PCYT1A: variants seen among roughly 807,000 people sequenced by gnomAD.
The protein encoded by PCYT1A is choline-phosphate cytidylyltransferase A.
Under a neutral mutation model 43.7 loss-of-function variants are expected in PCYT1A, and 25 were observed. The ratio of observed to expected loss-of-function variants is 0.57; its 90% CI spans 0.42 to 0.80. The LOEUF is 0.80. PCYT1A is among the 30% of genes least tolerant of loss of function. The probability of loss-of-function intolerance (pLI) is 0.00; values close to 1 mark genes in which losing one functional copy is unlikely to be tolerated. For missense variants in PCYT1A, 421 were observed against 474.2 expected (o/e 0.89, Z 1.04); for synonymous variants, 172 against 170.7 (o/e 1.01, Z -0.06).
chr3:196,267,888 A>C (rs1725323649), intron 2 of PCYT1A, among the ~76,000 whole-genome samples: 1 of 152,204 alleles, frequency 6.6e-6, no homozygotes, highest in Non-Finnish European at 1.5e-5. Flanking sequence ...AGTTCAAAGG[A>C]GATTCAGAGC....
Position 196,277,701 on chromosome 3 carries a change from T to C in PCYT1A, c.-10-7160A>G, listed in dbSNP as rs1020163334. On this transcript the variant is annotated intron_variant, in intron 1 of 8. Transcript: ENST00000431016. The surrounding 1 kb of genome is among the most constrained non-coding windows in gnomAD (Gnocchi z 4.1). ...GCCTGGCCAACATGGTGAAACCCCA[T>C]CTCTACTAAAAATACAAAAATTAGC... is the stretch of plus-strand genomic sequence containing the variant. 1.4e-4 allele frequency among the ~76,000 whole-genome samples: 21 copies of C among 152,058 alleles called. No individual in the cohort carries two copies. The highest frequency in any genetic ancestry group is 2.1e-4 in the South Asian group (1 of 4,820).
chr3:196,248,172 T>C (rs1257852621), intron 4 of PCYT1A, 35 bp downstream of exon 4: 3 of 1,144,768 alleles, frequency 2.6e-6, no homozygotes, highest in South Asian at 2.4e-5. Flanking sequence ...CATCTTTTTC[T>C]GCACAGCACC....
chr3:196,283,654 T>A (rs967316585), intron 1 of PCYT1A: 1 of 151,754 alleles, frequency 6.6e-6, no homozygotes, highest in African/African-American at 2.4e-5. Flanking sequence ...AAATCACAGA[T>A]GAAACATGTG....
intron 7 of PCYT1A, among the ~76,000 whole-genome samples, chr3:196,241,158 A>AAAAAAAAAAAAAAAAAAAC: frequency 8.4e-6 from 1 of 119,132 alleles, no homozygotes; most frequent in Non-Finnish European, 1.8e-5. Flanking sequence ...AAAAAAAAAA[A>AAAAAAAAAAAAAAAAAAAC]AAAAATTAGC....
intron 3 of PCYT1A, 34 bp from the exon 4 acceptor site, chr3:196,248,357 AC>A (rs1210775568): frequency 1.6e-6 from 2 of 1,273,718 alleles, no homozygotes; most frequent in South Asian, 1.2e-5. Context: ...TCACAAAAAT[AC>A]CTTTTTTTTT....
At chr3:196,261,953 C>T (rs907624934) in intron 2 of PCYT1A, among the ~76,000 whole-genome samples, 5 of 152,060 alleles carry the variant, frequency 3.3e-5, no homozygotes, top group African/African-American at 1.2e-4. Flanking sequence ...GGAGTGAAAC[C>T]TAACGTTGTG....
At chr3:196,286,887 CTGG>C (rs1263717523) in intron 1 of PCYT1A, among the ~76,000 whole-genome samples, 2 of 152,196 alleles carry the variant, frequency 1.3e-5, no homozygotes, top group Non-Finnish European at 2.9e-5. Flanking sequence ...GCGCTCCAGC[CTGG>C]GCAACAAGAG....
chr3:196,244,703 T>G (rs1013585269), intron 5 of PCYT1A, among the ~76,000 whole-genome samples: 88 of 152,356 alleles, frequency 5.8e-4, no homozygotes, highest in Non-Finnish European at 8.5e-4. Context: ...TGTGTCTGTG[T>G]AGAAAGAAGT....
chr3:196,277,016 G>A lies in PCYT1A; in HGVS notation c.-10-6475C>T, dbSNP rs1345337900. Among the ~76,000 whole-genome samples the A allele has an allele frequency of 6.6e-6, 1 of 151,628 alleles. No individual in the cohort carries two copies. Among genetic ancestry groups the A allele is most frequent in the Non-Finnish European group, 1.5e-5 (1 of 67,968 alleles). ...AGGCCAAGGCAGGCGAATCACCTGA[G>A]GTCTGGAGTTCAAGACCAGCCTGGC... On this transcript the variant is annotated intron_variant, in intron 1 of 8. Coordinates refer to ENST00000431016, the MANE Select transcript of PCYT1A (RefSeq NM_001312673.2). The surrounding 1 kb of genome is among the most constrained non-coding windows in gnomAD (Gnocchi z 4.1).
chr3:196,238,629 CAG>C lies in PCYT1A; in HGVS notation c.*57_*58del. On this transcript the variant is annotated 3_prime_UTR_variant, in exon 9 of 9. Transcript: ENST00000431016. The stretch of plus-strand genomic sequence containing the variant: ...GTTGGGGTCACAATTTGGAATTCAA[CAG>C]AGAGCTTCTGAAGGTAATGGGACAG... 1 of 1,176,864 alleles carries C rather than the reference CAG, an allele frequency of 8.5e-7. No individual in the cohort carries two copies. Among genetic ancestry groups the C allele is most frequent in the East Asian group, 2.8e-5 (1 of 35,596 alleles). The allele number at this position is 1,176,864 out of a possible 1,614,324, so 72.9% of individuals were successfully genotyped here.
At chr3:196,243,949 C>T (rs1359307463) in intron 5 of PCYT1A, among the ~76,000 whole-genome samples, 2 of 152,250 alleles carry the variant, frequency 1.3e-5, no homozygotes, top group Non-Finnish European at 2.9e-5. Flanking sequence ...CTCTGCCCGG[C>T]CGCCACCCCG....
intron 2 of PCYT1A, among the ~76,000 whole-genome samples, chr3:196,258,766 C>G (rs939419288): frequency 6.6e-6 from 1 of 151,168 alleles, no homozygotes; most frequent in Non-Finnish European, 1.5e-5. Flanking sequence ...ATTTTTTATT[C>G]TTGTAGAGAC....
In PCYT1A at chr3:196,237,215, C is replaced by T. The variant is rs1239955993; in HGVS notation, c.*1473G>A. 6.6e-6 allele frequency: 1 copy of T among 152,230 alleles called. No individual in the cohort carries two copies. The highest frequency in any genetic ancestry group is 6.5e-5 in the Admixed American group (1 of 15,286). The allele number at this position is 152,230 out of a possible 1,614,324, so 9.4% of individuals were successfully genotyped here. ...GGGGCCTGGACATAAGCAATTTTCC[C>T]CTGGATCTAGCCACAGGATTACTGA... is the stretch of plus-strand genomic sequence containing the variant. On this transcript the variant is annotated 3_prime_UTR_variant, in exon 9 of 9. Transcript: ENST00000431016.
rs887000147 is a variant in PCYT1A, at chr3:196,234,518, A to G, written c.*4170T>C. 2 of 152,220 alleles carry G rather than the reference A, an allele frequency of 1.3e-5. No homozygotes were observed. The highest frequency in any genetic ancestry group is 2.9e-5 in the Non-Finnish European group (2 of 68,054). The allele number at this position is 152,220 out of a possible 1,614,324, so 9.4% of individuals were successfully genotyped here. ...ACACTGGTGATGGGGCGAACGTTCA[A>G]GACGAAGCCAGCAGTCCTTTCCAAG... On this transcript the variant is annotated 3_prime_UTR_variant, in exon 9 of 9. Coordinates refer to ENST00000431016, the MANE Select transcript of PCYT1A (RefSeq NM_001312673.2).
chr3:196,280,571 T>TTTTG (rs1725739839), intron 1 of PCYT1A, among the ~76,000 whole-genome samples: 1 of 16,374 alleles, frequency 6.1e-5, no homozygotes, highest in Non-Finnish European at 1.1e-4. Flanking sequence ...ATTTTTATTG[T>TTTTG]TTTTTTTTTT....
At position 196,282,981 on chromosome 3, in the gene PCYT1A, G is replaced by T. The variant is rs1220218666; in HGVS notation, c.-11+4634C>A. Among the ~76,000 whole-genome samples the T allele has an allele frequency of 6.6e-6, 1 of 152,160 alleles. No individual in the cohort carries two copies. The highest frequency in any genetic ancestry group is 1.5e-5 in the Non-Finnish European group (1 of 68,036). On this transcript the variant is annotated intron_variant, in intron 1 of 8. Coordinates refer to ENST00000431016, the MANE Select transcript of PCYT1A (RefSeq NM_001312673.2). The surrounding 1 kb of genome is among the most constrained non-coding windows in gnomAD (Gnocchi z 4.3). ...CCCTGGCTCACTGGCAGTCATCCTAGTCCAAACATAGAAAGCCTCAAACTA... is the reference window on the plus strand; with the variant it reads ...CCCTGGCTCACTGGCAGTCATCCTATTCCAAACATAGAAAGCCTCAAACTA...
rs563507546 is a variant in PCYT1A, at chr3:196,245,024, G to A, written c.486+2343C>T. On this transcript the variant is annotated intron_variant, in intron 5 of 8. Transcript: ENST00000431016. ...TCACTTGTTTATCTGCTGACCTTCC[G>A]TCCACTATTGTCCTATGACCCTGCC... Among the ~76,000 whole-genome samples the A allele has an allele frequency of 3.7e-4, 57 of 152,060 alleles. No individual in the cohort carries two copies. The East Asian group carries it at 8.9e-3, about 24-fold the overall frequency.
At chr3:196,279,466 T>C (rs1725689776) in intron 1 of PCYT1A, among the ~76,000 whole-genome samples, 1 of 152,124 alleles carries the variant, frequency 6.6e-6, no homozygotes, top group Admixed American at 6.6e-5. Context: ...GCTAAGTACA[T>C]TAGTGTCTCC....
chr3:196,267,620 G>A (rs943387569), intron 2 of PCYT1A, among the ~76,000 whole-genome samples: 17 of 152,066 alleles, frequency 1.1e-4, no homozygotes, highest in African/African-American at 3.4e-4. Context: ...GGGAGGCTGA[G>A]GTGAGAGGAC....
Sources: gnomAD v4.1 joint callset for allele counts (sites outside exome capture counted in the v4.1 genomes callset) on GRCh38, gnomAD v4.1.1 for gene constraint, Gnocchi (gnomAD v3.1) non-coding constraint, MANE v1.5 for transcripts, NCBI Gene and HGNC (gene_info 2026-07-23, HGNC 2026-07-21) for gene names.